Variants in C12orf42 observed in about 807,000 individuals in gnomAD.
The protein encoded by C12orf42 is chromosome 12 open reading frame 42.
C12orf42 carries 25 observed loss-of-function variants against 21.6 expected under a neutral mutation model. That is an observed-to-expected ratio of 1.16 (90% confidence interval 0.84 to 1.62). The LOEUF is 1.62. C12orf42 is among the 40% of genes most tolerant of loss of function. The pLI, the probability that C12orf42 is intolerant of heterozygous loss-of-function variation, is 0.00. For missense variants in C12orf42, 483 were observed against 459.3 expected (o/e 1.05, Z -0.47); for synonymous variants, 174 against 175.0 (o/e 0.99, Z 0.05).
chr12:103,356,200 T>C (rs2043535270), intron 4 of C12orf42, among the ~76,000 whole-genome samples: 2 of 152,118 alleles, frequency 1.3e-5, no homozygotes, highest in South Asian at 4.1e-4. Flanking sequence ...CTCCCTTCTC[T>C]TGATCATCTC....
intron 4 of C12orf42, among the ~76,000 whole-genome samples, chr12:103,320,480 C>A (rs1003150761): frequency 1.3e-5 from 2 of 152,114 alleles, no homozygotes; most frequent in African/African-American, 4.8e-5. Context: ...TAAAAGAGAA[C>A]TTACTCAAAG....
chr12:103,215,998 A>G, the C12orf42 span, among the ~76,000 whole-genome samples: 3 of 152,210 alleles, frequency 2.0e-5, no homozygotes, highest in Non-Finnish European at 2.9e-5. Context: ...CCAGCCTACC[A>G]TATCAAAAGG....
intron 4 of C12orf42, among the ~76,000 whole-genome samples, chr12:103,292,964 GAA>G (rs1555245626): frequency 4.6e-5 from 7 of 151,940 alleles, no homozygotes; most frequent in Non-Finnish European, 1.5e-5. Flanking sequence ...GAGAAAACTA[GAA>G]AAGGCCACTC....
chr12:103,530,373 G>A, the C12orf42 span, among the ~76,000 whole-genome samples: 1 of 152,188 alleles, frequency 6.6e-6, no homozygotes, highest in Non-Finnish European at 1.5e-5. Context: ...TGGAGACTTT[G>A]GGGTCTGCCA....
At chr12:103,226,761 G>C in the C12orf42 span, among the ~76,000 whole-genome samples, 4 of 152,074 alleles carry the variant, frequency 2.6e-5, no homozygotes, top group Admixed American at 6.6e-5. Context: ...GAGGTCAGAT[G>C]GGTCTGTAGA....
the C12orf42 span, among the ~76,000 whole-genome samples, chr12:103,079,552 A>G: frequency 6.6e-6 from 1 of 152,212 alleles, no homozygotes; most frequent in Admixed American, 6.5e-5. Flanking sequence ...TGCATTTGTC[A>G]TGTTTTTCAC....
At chr12:103,066,652 A>G in the C12orf42 span, among the ~76,000 whole-genome samples, 3 of 152,244 alleles carry the variant, frequency 2.0e-5, no homozygotes, top group Non-Finnish European at 2.9e-5. Context: ...AGAAATGGTC[A>G]GCTGTGTGAT....
the C12orf42 span, among the ~76,000 whole-genome samples, chr12:103,186,932 C>T: frequency 1.1e-4 from 16 of 152,184 alleles, no homozygotes; most frequent in Non-Finnish European, 2.1e-4. Context: ...TGATGGTACT[C>T]ACTACTTCTC....
At chr12:103,209,655 C>G in the C12orf42 span, among the ~76,000 whole-genome samples, 1 of 152,292 alleles carries the variant, frequency 6.6e-6, no homozygotes, top group African/African-American at 2.4e-5. Flanking sequence ...GTCTCAAAGG[C>G]AATCCTTGGG....
chr12:103,206,751 AACT>A, the C12orf42 span, among the ~76,000 whole-genome samples: 1 of 152,142 alleles, frequency 6.6e-6, no homozygotes, highest in South Asian at 2.1e-4. Context: ...CTTTTTCCAC[AACT>A]ACTACTCTGC....
the C12orf42 span, among the ~76,000 whole-genome samples, chr12:103,196,084 C>T: frequency 6.6e-6 from 1 of 152,006 alleles, no homozygotes; most frequent in South Asian, 2.1e-4. Flanking sequence ...ATAAACTTTC[C>T]TTTTAACACT....
chr12:103,231,556 T>A, the C12orf42 span, among the ~76,000 whole-genome samples: 3 of 152,222 alleles, frequency 2.0e-5, no homozygotes, highest in African/African-American at 7.2e-5. Context: ...GTTGGAATCA[T>A]ACAGTATGCA....
chr12:103,433,493 A>T (rs7969700), intron 2 of C12orf42, among the ~76,000 whole-genome samples: 1 of 152,056 alleles, frequency 6.6e-6, no homozygotes, highest in Non-Finnish European at 1.5e-5. Flanking sequence ...CAACATCTCT[A>T]AAGTACAATT....
At chr12:103,451,660 A>G (rs1024003272) in intron 2 of C12orf42, among the ~76,000 whole-genome samples, 7 of 152,096 alleles carry the variant, frequency 4.6e-5, no homozygotes, top group African/African-American at 1.7e-4. Flanking sequence ...ACTCTCCAAC[A>G]TTCTGCCTGG....
chr12:103,188,795 C>T, the C12orf42 span, among the ~76,000 whole-genome samples: 2 of 152,198 alleles, frequency 1.3e-5, no homozygotes, highest in Non-Finnish European at 2.9e-5. Context: ...GATGTGGTGT[C>T]AGCACCACGA....
intron 4 of C12orf42, among the ~76,000 whole-genome samples, chr12:103,321,814 A>G (rs1281592548): frequency 6.7e-6 from 1 of 149,312 alleles, no homozygotes; most frequent in Admixed American, 6.7e-5. Flanking sequence ...GAATTGAACA[A>G]TGAGATCACA....
the C12orf42 span, among the ~76,000 whole-genome samples, chr12:103,160,517 G>T: frequency 6.6e-6 from 1 of 152,150 alleles, no homozygotes; most frequent in South Asian, 2.1e-4. Context: ...CAAAGGATAA[G>T]CAGGAGTGGG....
the C12orf42 span, among the ~76,000 whole-genome samples, chr12:103,140,461 G>A: frequency 2.6e-5 from 4 of 152,216 alleles, no homozygotes; most frequent in African/African-American, 9.6e-5. Flanking sequence ...ATTCATGAGC[G>A]TCCCATGCCT....
At chr12:103,336,810 C>G (rs73185862) in intron 4 of C12orf42, among the ~76,000 whole-genome samples, 1 of 152,236 alleles carries the variant, frequency 6.6e-6, no homozygotes, top group Non-Finnish European at 1.5e-5. Context: ...CTTGAAGTGG[C>G]TCCCTTTATG....
Sources: allele counts gnomAD v4.1 joint callset (sites outside exome capture counted in the v4.1 genomes callset), GRCh38; gene constraint gnomAD v4.1.1; transcripts MANE v1.5; gene names NCBI Gene and HGNC (gene_info 2026-07-23, HGNC 2026-07-21).